Variants in DNAH8 observed in about 807,000 individuals in gnomAD.
DNAH8 encodes the protein axonemal beta dynein heavy chain 8.
A neutral mutation model predicts 562.1 loss-of-function variants in DNAH8; 382 were observed. That is an observed-to-expected ratio of 0.68 (90% CI 0.63 to 0.74). The LOEUF is 0.74. Among genes scored for constraint, DNAH8 ranks in the 30% least tolerant of loss-of-function variants. The pLI is 0.00. For missense variants in DNAH8, 5,203 were observed against 5,620.4 expected, an observed-to-expected ratio of 0.93 and a Z score of 2.37; for synonymous variants, 1,881 against 1,919.4, an observed-to-expected ratio of 0.98 and a Z score of 0.52.
intron 11 of DNAH8, among the ~76,000 whole-genome samples, chr6:38,766,396 T>C (rs1429515780): frequency 6.6e-6 from 1 of 152,132 alleles, no homozygotes; most frequent in African/African-American, 2.4e-5. Flanking sequence ...AATGACGAGA[T>C]ATTGGTGAAA....
At chr6:38,736,459 C>T (rs902777140) in intron 5 of DNAH8, among the ~76,000 whole-genome samples, 2 of 152,260 alleles carry the variant, frequency 1.3e-5, no homozygotes, top group Non-Finnish European at 1.5e-5. Flanking sequence ...CGAATCAAGA[C>T]GACACCAAAC....
chr6:38,999,885 G>T (rs1765367400), intron 88 of DNAH8, among the ~76,000 whole-genome samples: 1 of 150,808 alleles, frequency 6.6e-6, no homozygotes, highest in African/African-American at 2.4e-5. Context: ...TTCATTATTA[G>T]AAATGAATAC....
rs549864205 is a variant in DNAH8, at chr6:38,834,447, G to A, written c.4303-132G>A. 13 of 577,166 alleles carry A rather than the reference G, an allele frequency of 2.3e-5. No individual in the cohort carries two copies. The East Asian group carries it at 3.0e-4, about 14-fold the overall frequency. The allele number at this position is 577,166 out of a possible 1,614,324, so 35.8% of individuals were successfully genotyped here. ...TGTTAGAAATAAATAAAAGCTTCAA[G>A]TACAGGACACAATTAAATAATTTAA... On this transcript the variant is annotated intron_variant, in intron 31 of 92. Transcript: ENST00000327475.
At chr6:38,749,726 A>G (rs906716998) in intron 8 of DNAH8, among the ~76,000 whole-genome samples, 1 of 152,210 alleles carries the variant, frequency 6.6e-6, no homozygotes, top group Middle Eastern at 3.2e-3. Flanking sequence ...CTTTCTCATA[A>G]TCAGTTATTT....
rs371850116 is a variant in DNAH8, at chr6:38,917,220, T to C, written c.10141-19T>C. 2.2e-5 allele frequency: 34 copies of C among 1,538,240 alleles called. No homozygotes were observed. The African/African-American group carries it at 5.2e-4, about 23-fold the overall frequency. On this transcript the variant is annotated intron_variant, in intron 68 of 92. Transcript: ENST00000327475. ...TACCACTCAACAAACAAAATATTGATCCTTAATCCCAAATATAGACTATCA... is the reference window on the plus strand; with the variant it reads ...TACCACTCAACAAACAAAATATTGACCCTTAATCCCAAATATAGACTATCA...
chr6:38,808,747 A>C (rs77582265), intron 24 of DNAH8, among the ~76,000 whole-genome samples: 24,133 of 152,212 alleles, frequency 0.16, 2,069 homozygotes, highest in East Asian at 0.31. Context: ...ATACCGTGGA[A>C]TACTATGCAG....
intron 60 of DNAH8, among the ~76,000 whole-genome samples, chr6:38,896,597 AC>A (rs1779706684): frequency 1.3e-5 from 2 of 151,668 alleles, no homozygotes; most frequent in South Asian, 2.1e-4. Flanking sequence ...AAACAAACAA[AC>A]AAACAAACAA....
In DNAH8 at chr6:38,842,654, T is replaced by C; in HGVS notation, c.4605-9T>C. 6.2e-7 allele frequency: 1 copy of C among 1,607,528 alleles called. No individual in the cohort carries two copies. Among genetic ancestry groups the C allele is most frequent in the Non-Finnish European group, 8.5e-7 (1 of 1,178,032 alleles). Reference sequence around the variant, plus strand: ...GGTGGCATATTTTTTTTCTCTTTCTTTCTGAAAGATGTCGTAAACTTCCAA... The same window carrying C: ...GGTGGCATATTTTTTTTCTCTTTCTCTCTGAAAGATGTCGTAAACTTCCAA... On this transcript the variant is annotated splice_polypyrimidine_tract_variant and intron_variant, in intron 34 of 92. Transcript: ENST00000327475.
intron 58 of DNAH8, among the ~76,000 whole-genome samples, chr6:38,892,628 T>G (rs1779416730): frequency 6.6e-6 from 1 of 152,176 alleles, no homozygotes; most frequent in African/African-American, 2.4e-5. Context: ...CCCTGGACCA[T>G]GCAGTAACTT....
chr6:38,970,571 A>C (rs1763267506), intron 82 of DNAH8, among the ~76,000 whole-genome samples: 2 of 152,292 alleles, frequency 1.3e-5, no homozygotes, highest in East Asian at 1.9e-4. Flanking sequence ...AGACCCTCTC[A>C]GAATATCTGG....
chr6:38,943,143 T>C (rs1783595067), intron 79 of DNAH8, among the ~76,000 whole-genome samples: 1 of 152,212 alleles, frequency 6.6e-6, no homozygotes, highest in African/African-American at 2.4e-5. Context: ...GAATGTTTTA[T>C]GAGCAGGGAT....
At chr6:38,780,235 G>A (rs1023233184) in intron 15 of DNAH8, among the ~76,000 whole-genome samples, 170 bp downstream of exon 15, 2 of 152,148 alleles carry the variant, frequency 1.3e-5, no homozygotes, top group Non-Finnish European at 2.9e-5. Flanking sequence ...GTATATTGCT[G>A]GACAGCCAGA....
At chr6:38,871,503 A>C (rs1777462757) in intron 49 of DNAH8, among the ~76,000 whole-genome samples, 2 of 152,194 alleles carry the variant, frequency 1.3e-5, no homozygotes, top group Non-Finnish European at 1.5e-5. Context: ...TTGCTCTTGA[A>C]CATGTCAGGA....
intron 30 of DNAH8, among the ~76,000 whole-genome samples, chr6:38,831,991 T>G (rs919193431): frequency 6.6e-6 from 1 of 152,186 alleles, no homozygotes. Context: ...TATTAGAGAT[T>G]GCTAATCCCA....
rs142304704 is a variant in DNAH8 at position 38,935,333 on chromosome 6, A to C, written c.11458-259A>C. Among the ~76,000 whole-genome samples, 35 of 152,298 alleles carry C rather than the reference A, an allele frequency of 2.3e-4. 1 individual carries two copies. Among genetic ancestry groups the C allele is most frequent in the African/African-American group, 7.9e-4 (33 of 41,560 alleles). On this transcript the variant is annotated intron_variant, in intron 76 of 92. Coordinates refer to ENST00000327475, the MANE Select transcript of DNAH8 (RefSeq NM_001206927.2). ...AAGAGAGCTTGGGGTAATTGGGCAA[A>C]ATTATTTAGCAGAATTGTCTGGTGC...
At chr6:38,910,949 G>T (rs1780844090) in intron 65 of DNAH8, among the ~76,000 whole-genome samples, 1 of 152,146 alleles carries the variant, frequency 6.6e-6, no homozygotes, top group Admixed American at 6.6e-5. Context: ...ATCGAGTGTG[G>T]TTGCCTTGAT....
chr6:38,919,380 G>T (rs1360209160), intron 70 of DNAH8, among the ~76,000 whole-genome samples: 1 of 152,150 alleles, frequency 6.6e-6, no homozygotes, highest in Admixed American at 6.5e-5. Context: ...ACAGGGCCTT[G>T]TGTTAATGCT....
chr6:38,949,596 G>A (rs1246490441), intron 81 of DNAH8, 26 bp downstream of exon 81: 1 of 1,274,816 alleles, frequency 7.8e-7, no homozygotes, highest in Non-Finnish European at 1.1e-6. Flanking sequence ...ATCAGACCTA[G>A]AAGCATCACT....
In DNAH8 at chr6:38,951,443, CACCTCT is replaced by C; in HGVS notation, c.12375_12380del (p.Pro4126_Leu4127del). The C allele has an allele frequency of 6.2e-7, 1 of 1,614,118 alleles. No homozygotes were observed. Among genetic ancestry groups the C allele is most frequent in the Non-Finnish European group, 8.5e-7 (1 of 1,180,012 alleles). On this transcript the variant is annotated inframe_deletion, in exon 82 of 93. Transcript: ENST00000327475. ...ACTTGGGAAGAAAGTGATACCCGGA[CACCTCT>C]GATATGCTTCCTGTCCATGGGATCT...
Sources: allele counts gnomAD v4.1 joint callset (sites outside exome capture counted in the v4.1 genomes callset), GRCh38; gene constraint gnomAD v4.1.1; transcripts MANE v1.5; gene names NCBI Gene and HGNC (gene_info 2026-07-23, HGNC 2026-07-21).